The following SRRM3 variants were observed in gnomAD, a reference collection of about 807,000 sequenced individuals.
SRRM3 encodes the protein serine/arginine repetitive matrix 3.
In SRRM3, 27 loss-of-function variants were observed where a neutral mutation model predicts 66.2. The observed-to-expected ratio is 0.41, with a 90% CI of 0.30 to 0.56. The LOEUF is 0.56. Ranked by LOEUF, SRRM3 falls within the 20% of genes least tolerant of loss-of-function variation. SRRM3 has a pLI of 0.32. For synonymous variants in SRRM3, 391 were observed against 414.9 expected (o/e 0.94, Z 0.70); for missense variants, 918 against 991.9 (o/e 0.93, Z 1.00).
In SRRM3 at chr7:76,231,462, G is replaced by A. The variant is rs571118946; in HGVS notation, c.-39-3566G>A. The stretch of plus-strand genomic sequence containing the variant: ...TCAGAACGACTCTCACCAGCTTTCC[G>A]CCTCTGCCCTCCAGGAGCTCAGGCC... On this transcript the variant is annotated intron_variant, in intron 1 of 14. Coordinates refer to ENST00000611745, the MANE Select transcript of SRRM3 (RefSeq NM_001110199.3). 2.2e-3 allele frequency among the ~76,000 whole-genome samples: 337 copies of A among 152,344 alleles called. 2 individuals are homozygous for A. Among genetic ancestry groups the A allele is most frequent in the Non-Finnish European group, 3.6e-3 (247 of 68,044 alleles).
intron 3 of SRRM3, among the ~76,000 whole-genome samples, chr7:76,251,301 G>A (rs534143290): frequency 5.2e-4 from 79 of 152,230 alleles, no homozygotes; most frequent in Non-Finnish European, 1.1e-3. Context: ...CCACAGACAT[G>A]ATCAGGAGTA....
In SRRM3 at chr7:76,281,443, GC is replaced by G; in HGVS notation, c.1014del (p.Ser339AlafsTer260). ...CTGTCTGCCTCTCTCCCCGTCAGAA[GC>G]CCAGCTCGCCCTCGCCCAGGGTCCG... The part of the protein sequence containing the change: ...PGSAHSPPDK[P>X]SSPSPRVRDK... On this transcript the variant is annotated frameshift_variant, in exon 12 of 15. Transcript: ENST00000611745. LOFTEE classifies it high-confidence loss of function. 8.1e-7 allele frequency: 1 copy of G among 1,235,674 alleles called. No homozygotes were observed. 76.5% of individuals were successfully genotyped at this position (1,235,674 alleles called of 1,614,324 possible).
At chr7:76,278,680 G>T (rs1271931794) in intron 11 of SRRM3, among the ~76,000 whole-genome samples, 2 of 152,138 alleles carry the variant, frequency 1.3e-5, no homozygotes, top group Non-Finnish European at 2.9e-5. Context: ...TCCCAGGAGA[G>T]GTCTTCATGG....
intron 1 of SRRM3, among the ~76,000 whole-genome samples, chr7:76,208,673 A>G (rs1281202063): frequency 6.6e-6 from 1 of 151,956 alleles, no homozygotes; most frequent in Non-Finnish European, 1.5e-5. Context: ...CATCTCCACT[A>G]AAAATACAAA....
intron 11 of SRRM3, among the ~76,000 whole-genome samples, chr7:76,272,509 A>T (rs577849499): frequency 6.6e-6 from 1 of 152,278 alleles, no homozygotes; most frequent in East Asian, 1.9e-4. Context: ...TGGAGGCTAC[A>T]GTGAGCTATC....
intron 1 of SRRM3, among the ~76,000 whole-genome samples, chr7:76,217,018 C>T (rs974448579): frequency 3.3e-5 from 5 of 152,214 alleles, no homozygotes; most frequent in Non-Finnish European, 5.9e-5. Context: ...GCAGTGGAGG[C>T]AGCTGCCTGT....
At chr7:76,257,235 C>G (rs1801734940) in intron 3 of SRRM3, among the ~76,000 whole-genome samples, 1 of 151,976 alleles carries the variant, frequency 6.6e-6, no homozygotes, top group African/African-American at 2.4e-5. Flanking sequence ...TCTGCCGATC[C>G]AAGCCCTTTT....
chr7:76,235,953 C>T (rs1174731025), intron 2 of SRRM3, among the ~76,000 whole-genome samples: 1 of 142,244 alleles, frequency 7.0e-6, no homozygotes, highest in African/African-American at 2.7e-5. Context: ...TTGCAGTGAG[C>T]CGAGATCCGG....
rs533837781 is a variant in SRRM3, at chr7:76,258,835, TC to T, written c.336-1070del. Among the ~76,000 whole-genome samples the T allele has an allele frequency of 1.4e-3, 209 of 150,048 alleles. 1 individual carries two copies. Among genetic ancestry groups the T allele is most frequent in the Non-Finnish European group, 2.6e-3 (177 of 67,748 alleles). ...ACTTTGGGAGGCCAAAGCTGGCAGATCATCTGAGATCGGGAGTTCCATACCA... is the reference window on the plus strand; with the variant it reads ...ACTTTGGGAGGCCAAAGCTGGCAGATATCTGAGATCGGGAGTTCCATACCA... On this transcript the variant is annotated intron_variant, in intron 3 of 14. Transcript: ENST00000611745.
chr7:76,253,895 A>C (rs1445301404), intron 3 of SRRM3, among the ~76,000 whole-genome samples: 1 of 151,840 alleles, frequency 6.6e-6, no homozygotes, highest in Non-Finnish European at 1.5e-5. Context: ...CCCACACAGC[A>C]CAAAGCCAGT....
chr7:76,254,618 T>C (rs1300584465), intron 3 of SRRM3, among the ~76,000 whole-genome samples: 2 of 152,162 alleles, frequency 1.3e-5, no homozygotes, highest in Non-Finnish European at 2.9e-5. Flanking sequence ...GCACCCAGCC[T>C]GGGCTATTTT....
intron 1 of SRRM3, 55 bp from the exon 2 acceptor site, chr7:76,234,973 T>TTAACAGGTGGCGAA (rs1801104641): frequency 9.8e-7 from 1 of 1,021,154 alleles, no homozygotes; most frequent in East Asian, 2.7e-5. Flanking sequence ...AGAGAGGAGC[T>TTAACAGGTGGCGAA]TAACAGGTGG....
At chr7:76,265,340 G>C (rs782454060) in intron 9 of SRRM3, 24 bp from the exon 10 acceptor site, 7 of 1,569,970 alleles carry the variant, frequency 4.5e-6, no homozygotes, top group Middle Eastern at 4.1e-4. Flanking sequence ...TGAGGTACAG[G>C]CTGATTTCCC....
At position 76,228,036 on chromosome 7, in the gene SRRM3, A is replaced by T. The variant is rs558768376; in HGVS notation, c.-39-6992A>T. Among the ~76,000 whole-genome samples, 10 of 151,906 alleles carry T rather than the reference A, an allele frequency of 6.6e-5. No individual in the cohort carries two copies. The South Asian group carries it at 2.1e-3, about 32-fold the overall frequency. On this transcript the variant is annotated intron_variant, in intron 1 of 14. Coordinates refer to ENST00000611745, the MANE Select transcript of SRRM3 (RefSeq NM_001110199.3). ...AGGCACGCACCACCACATTCAGCTA[A>T]TTTTTGTATTTTTAGTAGAGACAGT...
At chr7:76,230,915 T>C (rs1800999345) in intron 1 of SRRM3, among the ~76,000 whole-genome samples, 1 of 151,974 alleles carries the variant, frequency 6.6e-6, no homozygotes. Flanking sequence ...CATGCCTGGC[T>C]AATTTTTGTA....
At chr7:76,251,215 C>G (rs1365914125) in intron 3 of SRRM3, among the ~76,000 whole-genome samples, 1 of 152,246 alleles carries the variant, frequency 6.6e-6, no homozygotes, top group Non-Finnish European at 1.5e-5. Flanking sequence ...GTAGCAGACT[C>G]TGTCTGGGTC....
chr7:76,216,009 G>A (rs1328372729), intron 1 of SRRM3, among the ~76,000 whole-genome samples: 38 of 149,746 alleles, frequency 2.5e-4, no homozygotes, highest in Non-Finnish European at 4.6e-4. Flanking sequence ...GGGTTTCACC[G>A]TGTTAGTCAG....
intron 3 of SRRM3, among the ~76,000 whole-genome samples, chr7:76,256,993 A>AG (rs1428834488): frequency 6.6e-5 from 10 of 152,244 alleles, no homozygotes; most frequent in African/African-American, 1.9e-4. Flanking sequence ...TACAGGCGTG[A>AG]GCCACCCGCC....
At chr7:76,258,005 C>T (rs1414530279) in intron 3 of SRRM3, among the ~76,000 whole-genome samples, 3 of 152,072 alleles carry the variant, frequency 2.0e-5, no homozygotes, top group Non-Finnish European at 2.9e-5. Context: ...AAAAAAGAAG[C>T]GCTCTGAGAA....
Sources: gnomAD v4.1 joint callset for allele counts (sites outside exome capture counted in the v4.1 genomes callset) on GRCh38, gnomAD v4.1.1 for gene constraint, MANE v1.5 for transcripts, NCBI Gene and HGNC (gene_info 2026-07-23, HGNC 2026-07-21) for gene names.